ROBO2: variants seen among roughly 807,000 people sequenced by gnomAD.
ROBO2 encodes roundabout guidance receptor 2.
A neutral mutation model predicts 160.8 loss-of-function variants in ROBO2; 53 were observed. That is an observed-to-expected ratio of 0.33 (90% CI 0.26 to 0.41). The LOEUF is 0.41. Among genes scored for constraint, ROBO2 ranks in the 10% least tolerant of loss-of-function variants. The probability of loss-of-function intolerance (pLI) is 1.00; values close to 1 mark genes in which losing one functional copy is unlikely to be tolerated. For synonymous variants in ROBO2, 664 were observed against 611.7 expected, an observed-to-expected ratio of 1.09 and a Z score of -1.26; for missense variants, 1,577 against 1,722.4, an observed-to-expected ratio of 0.92 and a Z score of 1.49.
intron 2 of ROBO2, among the ~76,000 whole-genome samples, chr3:76,516,588 G>T (rs2081358783): frequency 6.6e-6 from 1 of 152,054 alleles, no homozygotes; most frequent in South Asian, 2.1e-4. Flanking sequence ...GTGTTCTCTT[G>T]TGTACTCTCC....
intron 2 of ROBO2, among the ~76,000 whole-genome samples, chr3:76,025,805 GAAGT>G (rs2066725008): frequency 6.6e-6 from 1 of 151,744 alleles, no homozygotes; most frequent in South Asian, 2.1e-4. Context: ...GAATCTCAAG[GAAGT>G]AAGGCCTCTT....
intron 2 of ROBO2, among the ~76,000 whole-genome samples, chr3:76,818,308 T>C (rs1219413335): frequency 6.6e-6 from 1 of 152,130 alleles, no homozygotes; most frequent in African/African-American, 2.4e-5. Context: ...GAATTGTCTA[T>C]TCCTGTCCTT....
rs149044069 is a variant in ROBO2 at position 76,249,359 on chromosome 3, T to C, written c.109+311757T>C. On this transcript the variant is annotated intron_variant, in intron 2 of 26. Transcript: ENST00000487694. Reference sequence around the variant, plus strand: ...GCAACTGATTGGGAAGTTTATAATATAACAATCCAGGATTGGGAGATATAG... The same window carrying C: ...GCAACTGATTGGGAAGTTTATAATACAACAATCCAGGATTGGGAGATATAG... 1.9e-3 allele frequency among the ~76,000 whole-genome samples: 293 copies of C among 152,086 alleles called. 8 individuals carry two copies. In the East Asian group the frequency reaches 0.054, roughly 28 times the overall value.
intron 2 of ROBO2, among the ~76,000 whole-genome samples, chr3:76,908,356 C>G (rs2148913862): frequency 6.6e-6 from 1 of 152,276 alleles, no homozygotes; most frequent in African/African-American, 2.4e-5. Context: ...ACTGTTCCAA[C>G]TTTAATTCTC....
chr3:76,691,559 T>C (rs2092803604), intron 2 of ROBO2, among the ~76,000 whole-genome samples: 1 of 152,074 alleles, frequency 6.6e-6, no homozygotes, highest in South Asian at 2.1e-4. Flanking sequence ...ATGATAGAGC[T>C]AGAGGAAAAA....
At chr3:76,985,497 G>C (rs2149346493) in intron 2 of ROBO2, among the ~76,000 whole-genome samples, 1 of 146,650 alleles carries the variant, frequency 6.8e-6, no homozygotes, top group Non-Finnish European at 1.5e-5. Context: ...CAGGAGAATG[G>C]TGGGAACCCA....
At chr3:76,422,191 A>G (rs187706697) in intron 2 of ROBO2, among the ~76,000 whole-genome samples, 1 of 152,284 alleles carries the variant, frequency 6.6e-6, no homozygotes, top group East Asian at 1.9e-4. Flanking sequence ...AGAAATATAT[A>G]TTCAAAACAG....
Position 76,800,504 on chromosome 3 carries a change from G to A in ROBO2, c.110-297510G>A, listed in dbSNP as rs1169548220. 4.6e-5 allele frequency among the ~76,000 whole-genome samples: 7 copies of A among 152,178 alleles called. No individual in the cohort carries two copies. The South Asian group carries it at 8.3e-4, about 18-fold the overall frequency. ...GGGATTAATAACCAGAATATATAAG[G>A]AGCTCAAAAAGCTCTAGAGGAAAAA... On this transcript the variant is annotated intron_variant, in intron 2 of 26. Transcript: ENST00000487694.
At chr3:77,417,321 C>G (rs1287634424) in intron 2 of ROBO2, among the ~76,000 whole-genome samples, 1 of 150,674 alleles carries the variant, frequency 6.6e-6, no homozygotes, top group Non-Finnish European at 1.5e-5. Flanking sequence ...TATATATTCA[C>G]AGGCAATCAA....
intron 2 of ROBO2, among the ~76,000 whole-genome samples, chr3:77,261,869 G>A (rs2058798556): frequency 6.6e-6 from 1 of 151,122 alleles, no homozygotes; most frequent in Non-Finnish European, 1.5e-5. Flanking sequence ...CTGGGCTCAA[G>A]CAATCTTCCC....
intron 2 of ROBO2, among the ~76,000 whole-genome samples, chr3:76,449,663 T>C (rs563106558): frequency 1.3e-5 from 2 of 152,142 alleles, no homozygotes; most frequent in Non-Finnish European, 2.9e-5. Context: ...CCGAAAGCAG[T>C]GTTTAAGTGT....
At chr3:76,346,214 C>A (rs1008827134) in intron 2 of ROBO2, among the ~76,000 whole-genome samples, 15 of 151,634 alleles carry the variant, frequency 9.9e-5, no homozygotes, top group Non-Finnish European at 2.1e-4. Flanking sequence ...CTCCAAGTTA[C>A]TAGTACTAAC....
intron 2 of ROBO2, among the ~76,000 whole-genome samples, chr3:76,130,635 C>G (rs2071189243): frequency 2.0e-5 from 3 of 152,000 alleles, no homozygotes; most frequent in South Asian, 2.1e-4. Flanking sequence ...CTTCTTACAT[C>G]TTATTAACCA....
At chr3:76,960,359 T>C (rs1456304723) in intron 2 of ROBO2, among the ~76,000 whole-genome samples, 1 of 152,118 alleles carries the variant, frequency 6.6e-6, no homozygotes, top group Non-Finnish European at 1.5e-5. Context: ...TGCTATGGGT[T>C]GTTGATTATT....
chr3:77,280,523 G>A (rs189162940), intron 2 of ROBO2, among the ~76,000 whole-genome samples: 10 of 152,206 alleles, frequency 6.6e-5, no homozygotes, highest in East Asian at 3.9e-4. Flanking sequence ...TAATGAACTC[G>A]TAATTTATGC....
chr3:75,951,490 G>GT (rs1194898440), intron 2 of ROBO2, among the ~76,000 whole-genome samples: 3 of 151,996 alleles, frequency 2.0e-5, no homozygotes, highest in Non-Finnish European at 4.4e-5. Flanking sequence ...AATTTGGCTT[G>GT]TAGGCCCATA....
intron 2 of ROBO2, among the ~76,000 whole-genome samples, chr3:77,165,341 G>C (rs1406856911): frequency 1.3e-5 from 2 of 148,720 alleles, no homozygotes; most frequent in Non-Finnish European, 3.0e-5. Context: ...GATGTGCTTT[G>C]TTAAACAGAT....
chr3:77,473,292 T>A (rs1198190741), intron 2 of ROBO2, among the ~76,000 whole-genome samples: 2 of 151,506 alleles, frequency 1.3e-5, no homozygotes, highest in African/African-American at 4.9e-5. Flanking sequence ...AAGAAAAAAA[T>A]AATAATAAGA....
chr3:76,218,849 C>T (rs966610465), intron 2 of ROBO2, among the ~76,000 whole-genome samples: 8 of 152,216 alleles, frequency 5.3e-5, no homozygotes, highest in South Asian at 2.1e-4. Flanking sequence ...GAGCCCACAT[C>T]GCCAAGTCAA....
Sources: allele counts gnomAD v4.1 joint callset (sites outside exome capture counted in the v4.1 genomes callset), GRCh38; gene constraint gnomAD v4.1.1; transcripts MANE v1.5; gene names NCBI Gene and HGNC (gene_info 2026-07-23, HGNC 2026-07-21).